The following RCOR3 variants were observed in gnomAD, a reference collection of about 807,000 sequenced individuals.
RCOR3 encodes REST corepressor 3.
RCOR3 carries 13 observed loss-of-function variants against 64.1 expected under a neutral mutation model. That is an observed-to-expected ratio of 0.20 (90% CI 0.13 to 0.32). The LOEUF (loss-of-function observed/expected upper bound fraction) is 0.32, where lower values mean the gene tolerates loss of function less well. Ranked by LOEUF, RCOR3 falls within the 10% of genes least tolerant of loss-of-function variation. The probability of loss-of-function intolerance (pLI) is 1.00; values close to 1 mark genes in which losing one functional copy is unlikely to be tolerated. For missense variants in RCOR3, 489 were observed against 701.2 expected (o/e 0.70, Z 3.42); for synonymous variants, 215 against 239.0 (o/e 0.90, Z 0.93).
chr1:211,299,348 T>C (rs1029975312), intron 9 of RCOR3, among the ~76,000 whole-genome samples: 1 of 152,202 alleles, frequency 6.6e-6, no homozygotes, highest in Non-Finnish European at 1.5e-5. Context: ...GCATGTCTTC[T>C]GCTTTGATTT....
rs374581705 is a variant in RCOR3, at chr1:211,293,118, T to TAAATAAATAAATA, written c.940-2556_940-2555insATAAATAAATAAA. On this transcript the variant is annotated intron_variant, in intron 8 of 11. Coordinates refer to ENST00000419091, the MANE Select transcript of RCOR3 (RefSeq NM_001136223.3). ...ATAAATAAATAAATAAATAAATAAA[T>TAAATAAATAAATA]AAGTCTTAATTTTGTTTCCAAGGTA... Among the ~76,000 whole-genome samples the TAAATAAATAAATA allele has an allele frequency of 6.8e-3, 1,025 of 151,266 alleles. 5 individuals are homozygous for TAAATAAATAAATA. Among genetic ancestry groups the TAAATAAATAAATA allele is most frequent in the Middle Eastern group, 0.027 (8 of 292 alleles).
chr1:211,305,951 G>A (rs1328742931), intron 10 of RCOR3, among the ~76,000 whole-genome samples: 1 of 152,100 alleles, frequency 6.6e-6, no homozygotes, highest in East Asian at 1.9e-4. Context: ...AACCCTGTAA[G>A]TTACACTAAT....
chr1:211,305,480 T>C (rs1029660353), intron 10 of RCOR3, among the ~76,000 whole-genome samples: 11 of 152,218 alleles, frequency 7.2e-5, no homozygotes, highest in African/African-American at 2.7e-4. Flanking sequence ...ATGTTTAATA[T>C]AGTCATTTTG....
chr1:211,295,783 G>A, intron 9 of RCOR3, 30 bp downstream of exon 9: 2 of 1,591,488 alleles, frequency 1.3e-6, no homozygotes, highest in Non-Finnish European at 1.7e-6. Context: ...ATGTGATTAA[G>A]TATAGTGAAA....
At chr1:211,266,127 T>G (rs1695145606) in intron 2 of RCOR3, among the ~76,000 whole-genome samples, 1 of 152,198 alleles carries the variant, frequency 6.6e-6, no homozygotes, top group African/African-American at 2.4e-5. Flanking sequence ...AATTTTCTCA[T>G]GCTCATGTAC....
intron 7 of RCOR3, among the ~76,000 whole-genome samples, chr1:211,284,319 A>T (rs1386523634): frequency 6.6e-6 from 1 of 152,010 alleles, no homozygotes; most frequent in Admixed American, 6.6e-5. Context: ...TGACCTTGTG[A>T]TGCATCCGCC....
intron 2 of RCOR3, among the ~76,000 whole-genome samples, chr1:211,265,152 A>G (rs1169535647): frequency 1.3e-5 from 2 of 152,168 alleles, no homozygotes; most frequent in Non-Finnish European, 2.9e-5. Context: ...TTTTTAGTCG[A>G]CATCTGTTAT....
intron 1 of RCOR3, 151 bp from the exon 2 acceptor site, chr1:211,259,957 C>T (rs887399660): frequency 7.3e-7 from 1 of 1,369,084 alleles, no homozygotes; most frequent in African/African-American, 1.5e-5. Context: ...AATCCGCTGC[C>T]ATCTCCCGGA....
At chr1:211,311,644 T>C (rs1701497195) in intron 10 of RCOR3, among the ~76,000 whole-genome samples, 1 of 152,206 alleles carries the variant, frequency 6.6e-6, no homozygotes, top group Non-Finnish European at 1.5e-5. Context: ...ATACATGTTA[T>C]TAATTTAAGC....
intron 2 of RCOR3, among the ~76,000 whole-genome samples, chr1:211,269,509 A>G (rs1197172733): frequency 1.3e-5 from 2 of 152,156 alleles, no homozygotes; most frequent in African/African-American, 4.8e-5. Flanking sequence ...AGGCAGGAGA[A>G]TCGCTTGAAC....
chr1:211,276,591 G>C (rs1696985761), intron 5 of RCOR3, among the ~76,000 whole-genome samples, 173 bp downstream of exon 5: 1 of 152,102 alleles, frequency 6.6e-6, no homozygotes, highest in Admixed American at 6.5e-5. Context: ...TTACATGACA[G>C]TTATGTGCTA....
At chr1:211,308,650 CTT>C (rs1305115849) in intron 10 of RCOR3, among the ~76,000 whole-genome samples, 3 of 101,222 alleles carry the variant, frequency 3.0e-5, no homozygotes, top group African/African-American at 1.3e-4. Flanking sequence ...CATGTTTCGT[CTT>C]TTGGATGTGT....
chr1:211,273,713 T>C (rs931076994), intron 3 of RCOR3, among the ~76,000 whole-genome samples: 1 of 152,160 alleles, frequency 6.6e-6, no homozygotes, highest in Non-Finnish European at 1.5e-5. Context: ...AAATTTAGAG[T>C]ACTGAAGCAT....
chr1:211,281,488 T>C (rs1697803314), intron 7 of RCOR3, among the ~76,000 whole-genome samples: 1 of 152,176 alleles, frequency 6.6e-6, no homozygotes, highest in South Asian at 2.1e-4. Flanking sequence ...TTCCAGTCCA[T>C]TGACTGCCCT....
At chr1:211,285,941 T>C (rs567514844) in intron 7 of RCOR3, among the ~76,000 whole-genome samples, 1 of 152,314 alleles carries the variant, frequency 6.6e-6, no homozygotes, top group South Asian at 2.1e-4. Flanking sequence ...TTTTATTGGC[T>C]TCTGCCTTGA....
At chr1:211,274,614 C>T (rs1374657645) in intron 4 of RCOR3, among the ~76,000 whole-genome samples, 1 of 151,960 alleles carries the variant, frequency 6.6e-6, no homozygotes, top group Non-Finnish European at 1.5e-5. Flanking sequence ...AACTTTAAAA[C>T]AAATCTTTTC....
intron 4 of RCOR3, 92 bp from the exon 5 acceptor site, chr1:211,276,165 C>T: frequency 7.9e-7 from 1 of 1,272,304 alleles, no homozygotes; most frequent in East Asian, 2.4e-5. Flanking sequence ...AAGTCATAGG[C>T]TTAAGATTTT....
At chr1:211,279,346 TTGTTCTA>T in intron 7 of RCOR3, 30 bp downstream of exon 7, 2 of 1,477,572 alleles carry the variant, frequency 1.4e-6, no homozygotes, top group Non-Finnish European at 1.9e-6. Context: ...GTACTTGTGA[TTGTTCTA>T]CAAATCTGCT....
At chr1:211,304,940 T>C (rs1384731474) in intron 10 of RCOR3, among the ~76,000 whole-genome samples, 3 of 152,208 alleles carry the variant, frequency 2.0e-5, no homozygotes, top group African/African-American at 7.2e-5. Flanking sequence ...TGTTTCTTCC[T>C]GGCTGAGCAC....
Sources: gnomAD v4.1 joint callset for allele counts (sites outside exome capture counted in the v4.1 genomes callset) on GRCh38, gnomAD v4.1.1 for gene constraint, MANE v1.5 for transcripts, NCBI Gene and HGNC (gene_info 2026-07-23, HGNC 2026-07-21) for gene names.